The following LNPK variants were observed in gnomAD, a reference collection of about 807,000 sequenced individuals.
The protein encoded by LNPK is lunapark, ER junction formation factor.
A neutral mutation model predicts 55.2 loss-of-function variants in LNPK; 29 were observed. That is an observed-to-expected ratio of 0.53 (90% CI 0.39 to 0.72). LNPK has a LOEUF of 0.72. Among genes scored for constraint, LNPK ranks in the 30% least tolerant of loss-of-function variants. The probability of loss-of-function intolerance (pLI) is 0.00; values close to 1 mark genes in which losing one functional copy is unlikely to be tolerated. For synonymous variants in LNPK, 162 were observed against 168.2 expected, an observed-to-expected ratio of 0.96 and a Z score of 0.29; for missense variants, 467 against 494.8, an observed-to-expected ratio of 0.94 and a Z score of 0.53.
At chr2:175,993,363 G>A in intron 2 of LNPK, 140 bp from the exon 3 acceptor site, 1 of 482,414 alleles carries the variant, frequency 2.1e-6, no homozygotes, top group Non-Finnish European at 3.7e-6. Flanking sequence ...TTATAACTAA[G>A]ATTTATTTAA....
At chr2:175,997,485 C>T (rs1687981861) in intron 1 of LNPK, among the ~76,000 whole-genome samples, 1 of 152,026 alleles carries the variant, frequency 6.6e-6, no homozygotes, top group African/African-American at 2.4e-5. Flanking sequence ...TACATCATTC[C>T]ACTATTCTGG....
At chr2:175,943,743 C>T (rs930406159) in intron 9 of LNPK, among the ~76,000 whole-genome samples, 2 of 152,020 alleles carry the variant, frequency 1.3e-5, no homozygotes, top group Non-Finnish European at 2.9e-5. Context: ...AAAAGAAAAC[C>T]TTCAGCTAAC....
intron 4 of LNPK, among the ~76,000 whole-genome samples, chr2:175,991,738 A>G (rs1350336915): frequency 6.6e-6 from 1 of 152,188 alleles, no homozygotes; most frequent in Non-Finnish European, 1.5e-5. Flanking sequence ...ATTGTCTCTC[A>G]AAATTCTCAG....
At chr2:175,948,691 G>C (rs1685262746) in intron 8 of LNPK, among the ~76,000 whole-genome samples, 1 of 152,082 alleles carries the variant, frequency 6.6e-6, no homozygotes, top group Non-Finnish European at 1.5e-5. Context: ...AACTAAGTAA[G>C]TAATTTTTAA....
At chr2:175,935,015 C>A (rs146048505) in intron 12 of LNPK, among the ~76,000 whole-genome samples, 1 of 151,818 alleles carries the variant, frequency 6.6e-6, no homozygotes, top group Non-Finnish European at 1.5e-5. Context: ...ATCCTAAATG[C>A]GAAATCTTCC....
chr2:175,930,273 TAAACAC>T, intron 12 of LNPK, 74 bp from the exon 13 acceptor site: 2 of 751,714 alleles, frequency 2.7e-6, no homozygotes, highest in Non-Finnish European at 4.3e-6. Context: ...GCAAAAAAGA[TAAACAC>T]ACACACACAC....
intron 8 of LNPK, among the ~76,000 whole-genome samples, chr2:175,962,730 TGCACAG>T (rs1183671751): frequency 6.6e-5 from 10 of 152,166 alleles, no homozygotes; most frequent in Admixed American, 3.3e-4. Context: ...AAAGAGCTTC[TGCACAG>T]CAGAAGAAAC....
At chr2:175,947,216 G>T (rs1685174768) in intron 9 of LNPK, among the ~76,000 whole-genome samples, 2 of 152,054 alleles carry the variant, frequency 1.3e-5, no homozygotes, top group Admixed American at 6.6e-5. Context: ...CTGTACTGTT[G>T]GCTACAGAAT....
intron 9 of LNPK, among the ~76,000 whole-genome samples, chr2:175,940,485 A>T (rs1238316423): frequency 1.3e-5 from 2 of 152,200 alleles, no homozygotes; most frequent in East Asian, 3.9e-4. Flanking sequence ...TACAGGGCCA[A>T]GAATATTGCC....
chr2:175,950,677 T>C (rs1346922956), intron 8 of LNPK, among the ~76,000 whole-genome samples: 1 of 152,156 alleles, frequency 6.6e-6, no homozygotes, highest in Non-Finnish European at 1.5e-5. Flanking sequence ...CCCTGTTTAC[T>C]AGATGTGTAT....
In LNPK at chr2:175,983,897, A is replaced by C. The variant is rs902372706; in HGVS notation, c.258-4029T>G. ...CAAAAATTAAACCACCTTGACCTGA[A>C]CCTTGATTAACTCAAAATGGATTAT... On this transcript the variant is annotated intron_variant, in intron 4 of 12. Transcript: ENST00000272748. Among the ~76,000 whole-genome samples the C allele has an allele frequency of 2.0e-5, 3 of 151,926 alleles. No homozygotes were observed. The South Asian group carries it at 6.2e-4, about 31-fold the overall frequency.
rs567806511 is a variant in LNPK at position 175,998,847 on chromosome 2, T to G, written c.-62-3201A>C. Reference sequence around the variant, plus strand: ...AGAAGTCTGCAAGCACAGCCTTTATTTGTTTACTGCATGTCAATTTTAAAG... The same window carrying G: ...AGAAGTCTGCAAGCACAGCCTTTATGTGTTTACTGCATGTCAATTTTAAAG... On this transcript the variant is annotated intron_variant, in intron 1 of 12. Transcript: ENST00000272748. Among the ~76,000 whole-genome samples the G allele has an allele frequency of 3.3e-5, 5 of 152,344 alleles. No individual in the cohort carries two copies. The South Asian group carries it at 1.0e-3, about 32-fold the overall frequency.
chr2:175,979,125 G>C (rs1264780635), intron 5 of LNPK, among the ~76,000 whole-genome samples: 1 of 151,826 alleles, frequency 6.6e-6, no homozygotes, highest in African/African-American at 2.4e-5. Context: ...TATGAAAATG[G>C]AGAGATACAT....
rs1407248063 is a variant in LNPK at position 175,939,494 on chromosome 2, C to T, written c.812+58G>A. ...ACAAAACTAAAACATCTAGTGTGTA[C>T]ACACACACACACATCCTGTTTTCAT... On this transcript the variant is annotated intron_variant, in intron 10 of 12. Transcript: ENST00000272748. The T allele has an allele frequency of 1.0e-5, 7 of 700,588 alleles. No individual in the cohort carries two copies. In the East Asian group the frequency reaches 1.7e-4, roughly 17 times the overall value. The allele number at this position is 700,588 out of a possible 1,614,324, so 43.4% of individuals were successfully genotyped here.
rs903493461 is a variant in LNPK at position 175,924,209 on chromosome 2, T to C, written c.*5758A>G. On this transcript the variant is annotated 3_prime_UTR_variant, in exon 13 of 13. Coordinates refer to ENST00000272748, the MANE Select transcript of LNPK (RefSeq NM_030650.3). ...CACAATTAATTGAAGTTATACCAGA[T>C]AGTAACTTAATACAGTATATTCTCC... is the stretch of plus-strand genomic sequence containing the variant. 3.3e-5 allele frequency: 5 copies of C among 152,218 alleles called. No homozygotes were observed. The highest frequency in any genetic ancestry group is 6.5e-5 in the Admixed American group (1 of 15,274). 9.4% of individuals were successfully genotyped at this position (152,218 alleles called of 1,614,324 possible). A position where few individuals can be genotyped will look rare whatever the true frequency, so the allele number is the denominator to read the frequency against.
intron 5 of LNPK, among the ~76,000 whole-genome samples, chr2:175,971,746 A>C (rs1398593010): frequency 6.6e-6 from 1 of 152,226 alleles, no homozygotes; most frequent in African/African-American, 2.4e-5. Flanking sequence ...GTGATAGCTA[A>C]CTTGTTACTA....
In LNPK at chr2:175,929,455, T is replaced by C; in HGVS notation, c.*512A>G. 1 of 987,076 alleles carries C rather than the reference T, an allele frequency of 1.0e-6. No individual in the cohort carries two copies. The highest frequency in any genetic ancestry group is 1.2e-6 in the Non-Finnish European group (1 of 830,852). 61.1% of individuals were successfully genotyped at this position (987,076 alleles called of 1,614,324 possible). The stretch of plus-strand genomic sequence containing the variant: ...AGAATTCGTACCAGTGCCTATGTGG[T>C]AACAACTTTCATACCGCTTAATGTA... On this transcript the variant is annotated 3_prime_UTR_variant, in exon 13 of 13. Coordinates refer to ENST00000272748, the MANE Select transcript of LNPK (RefSeq NM_030650.3).
Position 175,937,520 on chromosome 2 carries a change from G to A in LNPK, c.884-6C>T, listed in dbSNP as rs751039929. ...ACAGTAGGCACATCGAAAAGCTGCA[G>A]AGAATTTTTTAAAAATAAGCAAAAC... On this transcript the variant is annotated splice_region_variant and splice_polypyrimidine_tract_variant and intron_variant, in intron 11 of 12. Coordinates refer to ENST00000272748, the MANE Select transcript of LNPK (RefSeq NM_030650.3). 3 of 1,602,416 alleles carry A rather than the reference G, an allele frequency of 1.9e-6. No homozygotes were observed. Among genetic ancestry groups the A allele is most frequent in the African/African-American group, 2.7e-5 (2 of 74,256 alleles).
intron 4 of LNPK, among the ~76,000 whole-genome samples, chr2:175,985,620 G>C (rs1687370486): frequency 6.6e-6 from 1 of 152,112 alleles, no homozygotes; most frequent in African/African-American, 2.4e-5. Context: ...AGTGATATAT[G>C]TTCCATGACC....
Sources: gnomAD v4.1 joint callset for allele counts (sites outside exome capture counted in the v4.1 genomes callset) on GRCh38, gnomAD v4.1.1 for gene constraint, MANE v1.5 for transcripts, NCBI Gene and HGNC (gene_info 2026-07-23, HGNC 2026-07-21) for gene names.